ZC3H12B: variants seen among roughly 807,000 people sequenced by gnomAD.
ZC3H12B encodes probable ribonuclease ZC3H12B.
ZC3H12B carries 7 observed loss-of-function variants against 43.9 expected under a neutral mutation model. The observed-to-expected ratio is 0.16, with a 90% CI of 0.09 to 0.30. The LOEUF is 0.30. Ranked by LOEUF, ZC3H12B falls within the 10% of genes least tolerant of loss-of-function variation. ZC3H12B has a pLI of 1.00. For missense variants in ZC3H12B, 475 were observed against 670.2 expected (o/e 0.71, Z 3.22); for synonymous variants, 222 against 241.7 (o/e 0.92, Z 0.76).
the ZC3H12B span, among the ~76,000 whole-genome samples, chrX:65,226,871 G>C: frequency 9.0e-6 from 1 of 111,423 alleles, no homozygotes; most frequent in Non-Finnish European, 1.9e-5. Context: ...GGAGCATCCA[G>C]ATTCATAAAG....
the ZC3H12B span, among the ~76,000 whole-genome samples, chrX:65,359,343 A>G: frequency 8.9e-6 from 1 of 112,019 alleles, no homozygotes; most frequent in Non-Finnish European, 1.9e-5. Flanking sequence ...AATACATTTC[A>G]TAAGGCTATG....
chrX:65,211,737 TATATATTATATA>T, the ZC3H12B span, among the ~76,000 whole-genome samples: 5 of 86,524 alleles, frequency 5.8e-5, no homozygotes, highest in Non-Finnish European at 1.1e-4. Flanking sequence ...TGTAATAATA[TATATATTATATA>T]ATATATTATA....
chrX:65,390,520 A>T (rs1416837221), intron 2 of ZC3H12B, among the ~76,000 whole-genome samples: 1 of 111,710 alleles, frequency 9.0e-6, no homozygotes, highest in Non-Finnish European at 1.9e-5. Context: ...ATTCAGCAGG[A>T]GATATAGCAA....
At chrX:65,086,696 C>T in the ZC3H12B span, among the ~76,000 whole-genome samples, 1 of 112,236 alleles carries the variant, frequency 8.9e-6, no homozygotes, top group African/African-American at 3.2e-5. Flanking sequence ...AGGAAGTGGC[C>T]ATCATCAGGC....
chrX:65,111,909 C>G, the ZC3H12B span, among the ~76,000 whole-genome samples: 1 of 111,204 alleles, frequency 9.0e-6, no homozygotes, highest in East Asian at 2.9e-4. Flanking sequence ...TCTAAATGTT[C>G]AAGTGAAAAG....
intron 3 of ZC3H12B, among the ~76,000 whole-genome samples, chrX:65,466,702 T>C (rs1368126692): frequency 9.5e-6 from 1 of 105,518 alleles, no homozygotes; most frequent in Non-Finnish European, 2.0e-5. Context: ...ACAAAGGTTC[T>C]CTTTTCTTCA....
chrX:65,104,012 C>T, the ZC3H12B span, among the ~76,000 whole-genome samples: 2 of 111,621 alleles, frequency 1.8e-5, no homozygotes, highest in African/African-American at 6.5e-5. Context: ...TACCTGACTT[C>T]AAACTATACT....
At chrX:65,304,540 C>T in the ZC3H12B span, among the ~76,000 whole-genome samples, 1 of 107,622 alleles carries the variant, frequency 9.3e-6, no homozygotes, top group Non-Finnish European at 1.9e-5. Context: ...GGCGTGAACC[C>T]GGGAGGCGGA....
At chrX:65,475,313 T>C (rs1206310962) in intron 3 of ZC3H12B, among the ~76,000 whole-genome samples, 1 of 112,122 alleles carries the variant, frequency 8.9e-6, no homozygotes, top group Non-Finnish European at 1.9e-5. Flanking sequence ...AGAGTTCCCA[T>C]AAATATTTCT....
chrX:65,058,661 C>A, the ZC3H12B span, among the ~76,000 whole-genome samples: 1 of 112,051 alleles, frequency 8.9e-6, no homozygotes, highest in Non-Finnish European at 1.9e-5. Flanking sequence ...TCGGCTGTGC[C>A]CTGCCCACAG....
chrX:65,439,957 TG>T (rs943207459), intron 3 of ZC3H12B, among the ~76,000 whole-genome samples: 21 of 111,048 alleles, frequency 1.9e-4, no homozygotes, highest in African/African-American at 6.2e-4. Context: ...AATCGGCTGT[TG>T]ATTTTGGCCT....
the ZC3H12B span, among the ~76,000 whole-genome samples, chrX:65,198,047 C>T: frequency 8.9e-6 from 1 of 112,056 alleles, no homozygotes; most frequent in East Asian, 2.8e-4. Flanking sequence ...TGGACATTGG[C>T]TTATGGCAAT....
At chrX:65,258,839 A>T in the ZC3H12B span, among the ~76,000 whole-genome samples, 1 of 111,494 alleles carries the variant, frequency 9.0e-6, no homozygotes, top group African/African-American at 3.3e-5. Context: ...AGAATAAAAT[A>T]CCTAGGAATA....
rs747531648 is a variant in ZC3H12B at position 65,456,611 on chromosome X, G to GT, written n.408-32023dup. On this transcript the variant is annotated intron_variant and non_coding_transcript_variant, in intron 3 of 5. Coordinates refer to the ZC3H12B transcript ENST00000617377. Reference sequence around the variant, plus strand: ...GCGCCGCCACGCCTGACTGGTTTTCGTTTTTTTTTTTTGGTGGAGACGGGG... The same window carrying GT: ...GCGCCGCCACGCCTGACTGGTTTTCGTTTTTTTTTTTTTGGTGGAGACGGGG... Among the ~76,000 whole-genome samples the GT allele has an allele frequency of 7.3e-3, 719 of 98,725 alleles. 8 individuals carry two copies. Among genetic ancestry groups the GT allele is most frequent in the African/African-American group, 0.022 (586 of 27,191 alleles). 85.7% of individuals were successfully genotyped at this position (98,725 alleles called of 115,157 possible).
chrX:65,117,828 C>T, the ZC3H12B span, among the ~76,000 whole-genome samples: 1 of 111,801 alleles, frequency 8.9e-6, no homozygotes, highest in African/African-American at 3.3e-5. Flanking sequence ...AATCCTTTCC[C>T]CATTGCTTGT....
chrX:65,451,986 C>T (rs953784900), intron 3 of ZC3H12B, among the ~76,000 whole-genome samples: 8 of 111,262 alleles, frequency 7.2e-5, no homozygotes, highest in Admixed American at 2.9e-4. Flanking sequence ...ATGGTTTCAG[C>T]GTTGATGGTC....
the ZC3H12B span, among the ~76,000 whole-genome samples, chrX:65,228,255 G>A: frequency 2.3e-3 from 254 of 111,728 alleles, 2 homozygotes; most frequent in African/African-American, 7.7e-3. Context: ...ATATAATCCA[G>A]CATATAAACA....
chrX:65,354,467 CA>C, the ZC3H12B span, among the ~76,000 whole-genome samples: 682 of 111,850 alleles, frequency 6.1e-3, 4 homozygotes, highest in African/African-American at 0.021. Context: ...TCACCAACAT[CA>C]AAGACCAAAG....
At chrX:65,498,515 G>A (rs1047724554) in intron 2 of ZC3H12B, among the ~76,000 whole-genome samples, 5 of 111,948 alleles carry the variant, frequency 4.5e-5, no homozygotes, top group African/African-American at 1.6e-4. Flanking sequence ...AGGAAAGGGG[G>A]TCAGCACTCA....
Sources: allele counts gnomAD v4.1 joint callset (sites outside exome capture counted in the v4.1 genomes callset), GRCh38; gene constraint gnomAD v4.1.1; transcripts MANE v1.5; gene names NCBI Gene and HGNC (gene_info 2026-07-23, HGNC 2026-07-21).